ADCY9: variants seen among roughly 807,000 people sequenced by gnomAD.
ADCY9 encodes adenylate cyclase 9.
Under a neutral mutation model 101.5 loss-of-function variants are expected in ADCY9, and 50 were observed. That is an observed-to-expected ratio of 0.49 (90% confidence interval 0.39 to 0.62). The LOEUF (loss-of-function observed/expected upper bound fraction) is 0.62. Among genes scored for constraint, ADCY9 ranks in the 20% least tolerant of loss-of-function variants. The probability of loss-of-function intolerance (pLI) is 0.00; values close to 1 mark genes in which losing one functional copy is unlikely to be tolerated. For synonymous variants in ADCY9, 905 were observed against 769.3 expected (o/e 1.18, Z -2.92); for missense variants, 1,662 against 1,800.4 (o/e 0.92, Z 1.39).
intron 2 of ADCY9, among the ~76,000 whole-genome samples, chr16:4,061,844 C>G (rs1172868425): frequency 6.6e-6 from 1 of 152,152 alleles, no homozygotes; most frequent in Admixed American, 6.5e-5. Flanking sequence ...CTCTTTTTTA[C>G]ACTTAACTGA....
Position 3,989,004 on chromosome 16 carries a change from T to C in ADCY9, c.2300A>G (p.Tyr767Cys), listed in dbSNP as rs765982614. 8 of 1,612,332 alleles carry C rather than the reference T, an allele frequency of 5.0e-6. No individual in the cohort carries two copies. Among genetic ancestry groups the C allele is most frequent in the African/African-American group, 1.3e-5 (1 of 74,912 alleles). ...QELERSYRTS[Y>C]QEEVIKNSPV... is the part of the protein sequence containing the mutation. ...GAGAAATGAACGCACCTCTTCCTGA[T>C]AGCTGGTCCTGTAGGATCGCTCCAG... Residue 767 changes from tyrosine to cysteine, a missense_variant, in exon 6 of 11, where the codon TAT becomes TGT. Coordinates refer to ENST00000294016, the MANE Select transcript of ADCY9 (RefSeq NM_001116.4).
chr16:3,993,458 T>A lies in ADCY9; in HGVS notation c.1937A>T (p.Glu646Val). Reference protein sequence around the residue: ...TFAPKSEAGAEGGAPQNGCQD... With the variant: ...TFAPKSEAGAVGGAPQNGCQD... The stretch of plus-strand genomic sequence containing the variant: ...GCAGCCGTTTTGAGGTGCTCCTCCC[T>A]CGGCGCCGGCTTCAGATTTGGGAGC... Residue 646 changes from glutamate (E) to valine (V), a missense_variant, in exon 4 of 11, where the codon GAG becomes GTG. Glu to Val is a moderately radical substitution (Grantham distance 121). This residue lies in a region of ADCY9 where 624 missense variants were observed against 639.1 expected (regional missense o/e 0.98). Transcript: ENST00000294016. 6.2e-7 allele frequency: 1 copy of A among 1,614,212 alleles called. No homozygotes were observed. Among genetic ancestry groups the A allele is most frequent in the Non-Finnish European group, 8.5e-7 (1 of 1,180,036 alleles).
At chr16:3,987,331 T>C (rs1346065262) in intron 6 of ADCY9, among the ~76,000 whole-genome samples, 1 of 152,190 alleles carries the variant, frequency 6.6e-6, no homozygotes, top group Non-Finnish European at 1.5e-5. Flanking sequence ...GTACATTTGG[T>C]GCCTGGAGGA....
intron 10 of ADCY9, among the ~76,000 whole-genome samples, chr16:3,967,816 G>A (rs1412014804): frequency 2.0e-5 from 3 of 151,254 alleles, no homozygotes; most frequent in Non-Finnish European, 4.4e-5. Context: ...TCCTGCCTCA[G>A]CCTCCTGAAT....
rs1037079563 is a variant in ADCY9 at position 3,979,362 on chromosome 16, C to T, written c.2520-87G>A. On this transcript the variant is annotated intron_variant, in intron 7 of 10. Coordinates refer to ENST00000294016, the MANE Select transcript of ADCY9 (RefSeq NM_001116.4). ...ACAGGTGCGAGGCCGCAGCCAGCGC[C>T]GCCCTCTGCTCTCTCCCGTGTTGCC... is the stretch of plus-strand genomic sequence containing the variant. 9.5e-6 allele frequency: 14 copies of T among 1,480,334 alleles called. No homozygotes were observed. The African/African-American group carries it at 9.7e-5, about 10-fold the overall frequency. 91.7% of individuals were successfully genotyped at this position (1,480,334 alleles called of 1,614,324 possible). A position where few individuals can be genotyped will look rare whatever the true frequency, so the allele number is the denominator to read the frequency against.
chr16:4,033,892 A>G (rs2056572755), intron 2 of ADCY9, among the ~76,000 whole-genome samples: 1 of 152,308 alleles, frequency 6.6e-6, no homozygotes, highest in East Asian at 1.9e-4. Context: ...AAATGAGTAA[A>G]TACTCTAAAG....
At position 3,983,341 on chromosome 16, in the gene ADCY9, T is replaced by C; in HGVS notation, c.2410A>G (p.Thr804Ala). The stretch of plus-strand genomic sequence containing the variant: ...GCCGCCTCGTACTTCAGGAAGCAGG[T>C]GGTGGACAGCGTCAGAAACACTGTG... The part of the protein sequence containing the change: ...STTVFLTLST[T>A]CFLKYEAATV... Residue 804 changes from threonine (T) to alanine (A), a missense_variant, in exon 7 of 11, where the codon ACC becomes GCC. Thr to Ala is a moderately conservative substitution (Grantham distance 58). This residue lies in a region of ADCY9 where 624 missense variants were observed against 639.1 expected (regional missense o/e 0.98). Coordinates refer to ENST00000294016, the MANE Select transcript of ADCY9 (RefSeq NM_001116.4). The C allele has an allele frequency of 6.3e-7, 1 of 1,593,334 alleles. No individual in the cohort carries two copies. Among genetic ancestry groups the C allele is most frequent in the South Asian group, 1.1e-5 (1 of 87,866 alleles).
At chr16:4,088,237 T>G (rs1490652936) in intron 2 of ADCY9, among the ~76,000 whole-genome samples, 1 of 152,076 alleles carries the variant, frequency 6.6e-6, no homozygotes, top group Non-Finnish European at 1.5e-5. Context: ...TCAGCATGAA[T>G]CACAACTCCT....
Position 3,965,584 on chromosome 16 carries a change from G to T in ADCY9, c.*191C>A. ...AGAGGCAGCGGGGTTTCCAGGGAAG[G>T]GAGCGAAAGGGAAGAATGGATGAAA... On this transcript the variant is annotated 3_prime_UTR_variant, in exon 11 of 11. Transcript: ENST00000294016. 1 of 622,096 alleles carries T rather than the reference G, an allele frequency of 1.6e-6. No individual in the cohort carries two copies. Among genetic ancestry groups the T allele is most frequent in the Non-Finnish European group, 2.8e-6 (1 of 359,322 alleles). The allele number at this position is 622,096 out of a possible 1,614,324, so 38.5% of individuals were successfully genotyped here.
chr16:3,989,121 G>C (rs368557336), intron 5 of ADCY9, 25 bp from the exon 6 acceptor site: 2 of 1,517,882 alleles, frequency 1.3e-6, no homozygotes, highest in African/African-American at 1.4e-5. Context: ...AAATGCAGTC[G>C]ATCAATACCC....
chr16:4,017,178 T>C (rs2056444292), intron 2 of ADCY9, among the ~76,000 whole-genome samples: 1 of 149,326 alleles, frequency 6.7e-6, no homozygotes, highest in African/African-American at 2.4e-5. Context: ...ATAATAATAA[T>C]ATTAATAATA....
At chr16:4,018,501 C>A (rs558944999) in intron 2 of ADCY9, among the ~76,000 whole-genome samples, 10 of 152,180 alleles carry the variant, frequency 6.6e-5, no homozygotes, top group Non-Finnish European at 1.2e-4. Context: ...GCGTGAGCCA[C>A]CGCGCCCGGC....
chr16:3,999,815 T>C (rs1023464292), intron 3 of ADCY9, among the ~76,000 whole-genome samples: 5 of 152,230 alleles, frequency 3.3e-5, no homozygotes, highest in African/African-American at 1.2e-4. Flanking sequence ...CACATTTGCA[T>C]TTGTTTTTAA....
At chr16:4,059,079 T>C (rs1048188403) in intron 2 of ADCY9, among the ~76,000 whole-genome samples, 3 of 152,140 alleles carry the variant, frequency 2.0e-5, no homozygotes, top group African/African-American at 7.2e-5. Flanking sequence ...AAGCTTATAG[T>C]ACTTAGAAAG....
At chr16:4,074,751 T>C (rs1381432575) in intron 2 of ADCY9, among the ~76,000 whole-genome samples, 2 of 148,786 alleles carry the variant, frequency 1.3e-5, no homozygotes, top group Non-Finnish European at 3.0e-5. Flanking sequence ...CACTAGCAAA[T>C]TGTCTACAAA....
intron 5 of ADCY9, among the ~76,000 whole-genome samples, chr16:3,956,657 A>ATT (rs71394630): frequency 0.017 from 2,349 of 139,654 alleles, 25 homozygotes; most frequent in Non-Finnish European, 0.025. Context: ...CACCTGGCTA[A>ATT]TTTTTTTTTT....
At chr16:3,984,862 G>C (rs1430893679) in intron 6 of ADCY9, among the ~76,000 whole-genome samples, 3 of 152,318 alleles carry the variant, frequency 2.0e-5, no homozygotes, top group South Asian at 4.1e-4. Context: ...GGTGCGGTGT[G>C]CGTTCTTTGG....
At chr16:4,055,177 G>T (rs577044644) in intron 2 of ADCY9, among the ~76,000 whole-genome samples, 15 of 151,432 alleles carry the variant, frequency 9.9e-5, no homozygotes, top group South Asian at 2.1e-4. Context: ...ACCGGGAAGG[G>T]CCCCCAGGCC....
chr16:4,070,399 G>A (rs1294522150), intron 2 of ADCY9, among the ~76,000 whole-genome samples: 1 of 152,108 alleles, frequency 6.6e-6, no homozygotes, highest in African/African-American at 2.4e-5. Flanking sequence ...AATAGGATGT[G>A]GATGAAAGTT....
Sources: gnomAD v4.1 joint callset for allele counts (sites outside exome capture counted in the v4.1 genomes callset) on GRCh38, gnomAD v4.1.1 for gene constraint, gnomAD v4.1.1 regional missense constraint, MANE v1.5 for transcripts, NCBI Gene and HGNC (gene_info 2026-07-23, HGNC 2026-07-21) for gene names.